The following SDHAF2 variants were observed in gnomAD, a reference collection of about 807,000 sequenced individuals.
SDHAF2 encodes the protein succinate dehydrogenase complex assembly factor 2.
In SDHAF2, 21 loss-of-function variants were observed where a neutral mutation model predicts 18.5. The ratio of observed to expected loss-of-function variants is 1.13; its 90% CI spans 0.80 to 1.63. The LOEUF is 1.63. Ranked by LOEUF, SDHAF2 falls within the 40% of genes most tolerant of loss-of-function variation. The pLI is 0.00. For synonymous variants in SDHAF2, 84 were observed against 70.7 expected (o/e 1.19, Z -0.94); for missense variants, 195 against 200.3 (o/e 0.97, Z 0.16).
chr11:61,445,325 CAG>C (rs1862125147), intron 3 of SDHAF2, among the ~76,000 whole-genome samples: 1 of 152,216 alleles, frequency 6.6e-6, no homozygotes, highest in South Asian at 2.1e-4. Flanking sequence ...TCTTCTGACT[CAG>C]TGCCTATGTT....
chr11:61,445,005 A>C (rs550901418), intron 3 of SDHAF2, among the ~76,000 whole-genome samples: 6 of 147,886 alleles, frequency 4.1e-5, no homozygotes, highest in Non-Finnish European at 9.1e-5. Context: ...CCAACTTTCT[A>C]CTTTCTTGGG....
intron 3 of SDHAF2, among the ~76,000 whole-genome samples, chr11:61,443,889 T>G (rs1294233660): frequency 6.6e-6 from 1 of 152,150 alleles, no homozygotes; most frequent in East Asian, 1.9e-4. Flanking sequence ...TTCTGCTGCC[T>G]CAGCATCCCG....
chr11:61,446,102 A>G lies in SDHAF2; in HGVS notation c.*31A>G. On this transcript the variant is annotated 3_prime_UTR_variant, in exon 4 of 4. Transcript: ENST00000301761. ...GCTCCACGGCCTGGCATGGGGGTTC[A>G]GTCTGTGGATGGTAACTACTTATGA... The G allele has an allele frequency of 6.2e-7, 1 of 1,613,886 alleles. No homozygotes were observed. The highest frequency in any genetic ancestry group is 8.5e-7 in the Non-Finnish European group (1 of 1,179,882).
intron 3 of SDHAF2, among the ~76,000 whole-genome samples, chr11:61,440,113 G>A (rs569182131): frequency 2.6e-5 from 4 of 152,044 alleles, no homozygotes; most frequent in Non-Finnish European, 5.9e-5. Flanking sequence ...CCAGGAGTTC[G>A]AGACCAGCCT....
In SDHAF2 at chr11:61,438,964, A is replaced by AAT. The variant is rs1590765632; in HGVS notation, c.370+851_370+852insAT. Among the ~76,000 whole-genome samples, 7 of 152,216 alleles carry AAT rather than the reference A, an allele frequency of 4.6e-5. No homozygotes were observed. In the East Asian group the frequency reaches 1.4e-3, roughly 29 times the overall value. On this transcript the variant is annotated intron_variant, in intron 3 of 3. Coordinates refer to ENST00000301761, the MANE Select transcript of SDHAF2 (RefSeq NM_017841.4). ...GAGGCTGAGGCAAGAGAATCGCTTG[A>AAT]GCCTGGGAGACAGAGATTGCAGTGA... is the stretch of plus-strand genomic sequence containing the variant.
At chr11:61,441,315 G>A (rs376995338) in intron 3 of SDHAF2, among the ~76,000 whole-genome samples, 4 of 152,126 alleles carry the variant, frequency 2.6e-5, no homozygotes, top group East Asian at 1.9e-4. Flanking sequence ...GGCGGATCAC[G>A]AGGTCAGGAG....
chr11:61,443,935 G>C (rs1277586756), intron 3 of SDHAF2, among the ~76,000 whole-genome samples: 1 of 152,104 alleles, frequency 6.6e-6, no homozygotes, highest in Non-Finnish European at 1.5e-5. Context: ...CACCACGCCC[G>C]GCTAATTTTT....
At position 61,446,569 on chromosome 11, in the gene SDHAF2, T is replaced by C; in HGVS notation, c.*498T>C. 2.2e-6 allele frequency: 1 copy of C among 456,676 alleles called. No homozygotes were observed. Among genetic ancestry groups the C allele is most frequent in the South Asian group, 6.4e-5 (1 of 15,654 alleles). The allele number at this position is 456,676 out of a possible 1,614,324, so 28.3% of individuals were successfully genotyped here. ...CTGCGAAGGGAAGCTGATCCCAGCC[T>C]CCTGAGCTGAATCCTTCAAAGGCAC... On this transcript the variant is annotated 3_prime_UTR_variant, in exon 4 of 4. Transcript: ENST00000301761.
chr11:61,440,493 C>G (rs1469186754), intron 3 of SDHAF2, among the ~76,000 whole-genome samples: 3 of 151,894 alleles, frequency 2.0e-5, no homozygotes, highest in African/African-American at 7.3e-5. Context: ...CCCAGCTACT[C>G]GGGAGGCTGA....
chr11:61,432,656 C>T (rs1319773358), intron 1 of SDHAF2: 3 of 151,224 alleles, frequency 2.0e-5, no homozygotes, highest in Non-Finnish European at 4.4e-5. Flanking sequence ...CTTTTTGCTC[C>T]TCTTTTCCAC....
intron 1 of SDHAF2, chr11:61,436,646 A>C (rs948655116): frequency 2.8e-6 from 1 of 358,268 alleles, no homozygotes; most frequent in Non-Finnish European, 5.5e-6. Context: ...TTGAGCAGGG[A>C]GGGAAGAGAC....
At position 61,446,728 on chromosome 11, in the gene SDHAF2, A is replaced by G. The variant is rs555659135; in HGVS notation, c.*657A>G. 14 of 399,262 alleles carry G rather than the reference A, an allele frequency of 3.5e-5. No homozygotes were observed. The South Asian group carries it at 1.8e-3, about 51-fold the overall frequency. The allele number at this position is 399,262 out of a possible 1,614,324, so 24.7% of individuals were successfully genotyped here. On this transcript the variant is annotated 3_prime_UTR_variant, in exon 4 of 4. Coordinates refer to ENST00000301761, the MANE Select transcript of SDHAF2 (RefSeq NM_017841.4). ...AGAATTATTAAAGCATACTGAAAAA[A>G]GGAAATTTACAATTTCCCAGCCCTC...
rs949388785 is a variant in SDHAF2, at chr11:61,437,783, CA to C, written c.199del (p.Arg67GlufsTer31). On this transcript the variant is annotated frameshift_variant, in exon 2 of 4. Transcript: ENST00000301761. LOFTEE classifies it high-confidence loss of function. ...AGAGAACTGATGAATCCATAGAAAC[CA>C]AAAGAGCCCGCCTGCTCTATGAGAG... ...QERTDESIET[K>X]RARLLYESRK... The C allele has an allele frequency of 5.6e-6, 9 of 1,614,046 alleles. No homozygotes were observed. The highest frequency in any genetic ancestry group is 7.6e-6 in the Non-Finnish European group (9 of 1,180,024).
At chr11:61,437,604 T>G (rs995654441) in intron 1 of SDHAF2, 21 bp from the exon 2 acceptor site, 18 of 1,577,180 alleles carry the variant, frequency 1.1e-5, no homozygotes, top group Non-Finnish European at 1.4e-5. Flanking sequence ...TGTAAAGATG[T>G]TTGTGGTTTG....
intron 3 of SDHAF2, among the ~76,000 whole-genome samples, chr11:61,440,973 A>G (rs1018098626): frequency 1.3e-5 from 2 of 152,106 alleles, no homozygotes; most frequent in Non-Finnish European, 2.9e-5. Flanking sequence ...AGGCTGAGGC[A>G]AAGGATCTCT....
intron 1 of SDHAF2, chr11:61,430,424 T>A: frequency 5.2e-6 from 3 of 574,294 alleles, no homozygotes; most frequent in Non-Finnish European, 3.1e-6. Flanking sequence ...CAAGACCCAA[T>A]TCGCCTCTCA....
Position 61,446,244 on chromosome 11 carries a change from T to C in SDHAF2, c.*173T>C. ...CTAGGACATACATGTAAATGCACAA[T>C]GTGACTCATTCTCATACTTTTTTGT... On this transcript the variant is annotated 3_prime_UTR_variant, in exon 4 of 4. Transcript: ENST00000301761. 1.4e-6 allele frequency: 1 copy of C among 717,646 alleles called. No individual in the cohort carries two copies. The highest frequency in any genetic ancestry group is 2.5e-6 in the Non-Finnish European group (1 of 405,996). The allele number at this position is 717,646 out of a possible 1,614,324, so 44.5% of individuals were successfully genotyped here.
At chr11:61,438,192 AT>A (rs764846564) in intron 3 of SDHAF2, 79 bp downstream of exon 3, 3 of 1,104,312 alleles carry the variant, frequency 2.7e-6, no homozygotes, top group African/African-American at 3.8e-5. Context: ...ATCCTAGATA[AT>A]TTTTTTCTTT....
At chr11:61,444,691 C>A (rs1862116693) in intron 3 of SDHAF2, among the ~76,000 whole-genome samples, 1 of 152,142 alleles carries the variant, frequency 6.6e-6, no homozygotes, top group Admixed American at 6.5e-5. Flanking sequence ...TGCAGTGAGT[C>A]CAGATCGCAC....
Sources: allele counts gnomAD v4.1 joint callset (sites outside exome capture counted in the v4.1 genomes callset), GRCh38; gene constraint gnomAD v4.1.1; transcripts MANE v1.5; gene names NCBI Gene and HGNC (gene_info 2026-07-23, HGNC 2026-07-21).